CBR4: variants seen among roughly 807,000 people sequenced by gnomAD.
CBR4 encodes carbonyl reductase 4.
A neutral mutation model predicts 21.0 loss-of-function variants in CBR4; 22 were observed. The observed-to-expected ratio is 1.05, with a 90% CI of 0.75 to 1.50. The LOEUF is 1.50. CBR4 is among the 40% of genes most tolerant of loss of function. The probability of loss-of-function intolerance (pLI) is 0.00; values close to 1 mark genes in which losing one functional copy is unlikely to be tolerated. For synonymous variants in CBR4, 100 were observed against 104.4 expected (o/e 0.96, Z 0.26); for missense variants, 302 against 286.3 (o/e 1.05, Z -0.40).
At chr4:169,002,548 C>A (rs571089001) in intron 3 of CBR4, among the ~76,000 whole-genome samples, 4 of 152,272 alleles carry the variant, frequency 2.6e-5, no homozygotes, top group African/African-American at 7.2e-5. Flanking sequence ...AGGCTTCCAG[C>A]AGGTAGAGGT....
intron 2 of CBR4, chr4:168,927,984 A>G (rs879750503): frequency 1.5e-4 from 30 of 195,238 alleles, no homozygotes; most frequent in Admixed American, 9.7e-4. Flanking sequence ...AAATAATTTT[A>G]TATCTGTGTA....
chr4:168,904,451 C>T (rs1367267248), intron 2 of CBR4, among the ~76,000 whole-genome samples: 1 of 152,094 alleles, frequency 6.6e-6, no homozygotes, highest in Non-Finnish European at 1.5e-5. Context: ...GACTTAGGGT[C>T]AAAAAATCAG....
At chr4:168,946,117 T>A (rs887480231) in intron 2 of CBR4, among the ~76,000 whole-genome samples, 2 of 152,170 alleles carry the variant, frequency 1.3e-5, no homozygotes, top group African/African-American at 2.4e-5. Flanking sequence ...TAAGCTTCCT[T>A]GGCTGAGAGA....
chr4:168,952,780 T>C (rs1346419009), intron 2 of CBR4, among the ~76,000 whole-genome samples: 1 of 152,178 alleles, frequency 6.6e-6, no homozygotes, highest in Non-Finnish European at 1.5e-5. Context: ...TCTATGGGTC[T>C]CTCAGCCATG....
intron 4 of CBR4, among the ~76,000 whole-genome samples, chr4:168,994,777 G>T (rs574511808): frequency 7.6e-6 from 1 of 132,294 alleles, no homozygotes; most frequent in Non-Finnish European, 1.6e-5. Flanking sequence ...TTTTTGAGAC[G>T]GAGTTTGGCT....
intron 2 of CBR4, chr4:168,904,005 CTTTG>C: frequency 8.3e-7 from 1 of 1,204,876 alleles, no homozygotes; most frequent in Non-Finnish European, 1.2e-6. Flanking sequence ...TAAGAAGTTT[CTTTG>C]ATTTATGAAA....
At chr4:168,901,667 G>C (rs1354033965) in intron 2 of CBR4, among the ~76,000 whole-genome samples, 1 of 152,048 alleles carries the variant, frequency 6.6e-6, no homozygotes, top group Non-Finnish European at 1.5e-5. Flanking sequence ...AGAACAGCCT[G>C]GCCAATATTG....
chr4:168,995,826 G>C (rs936396241), intron 4 of CBR4, among the ~76,000 whole-genome samples: 6 of 152,162 alleles, frequency 3.9e-5, no homozygotes, highest in African/African-American at 1.4e-4. Context: ...AAGTAAGCTA[G>C]ATATGGAACA....
At chr4:168,916,491 A>AAATCT (rs1760127637) in intron 2 of CBR4, among the ~76,000 whole-genome samples, 2 of 151,412 alleles carry the variant, frequency 1.3e-5, no homozygotes, top group Non-Finnish European at 2.9e-5. Flanking sequence ...ATGATTCTTT[A>AAATCT]AATCTAAATT....
intron 2 of CBR4, among the ~76,000 whole-genome samples, chr4:168,919,125 A>T (rs1270726056): frequency 2.6e-5 from 4 of 152,212 alleles, no homozygotes; most frequent in Non-Finnish European, 5.9e-5. Context: ...CTTTCACTGG[A>T]CTGGCACATA....
intron 2 of CBR4, among the ~76,000 whole-genome samples, chr4:168,980,097 C>T (rs1275061345): frequency 2.0e-5 from 3 of 152,080 alleles, no homozygotes. Flanking sequence ...GAAAAGCCCT[C>T]TACCACTGAC....
chr4:168,988,414 A>G lies in CBR4; in HGVS notation c.*1736T>C. The G allele has an allele frequency of 1.0e-6, 1 of 985,442 alleles. No homozygotes were observed. Among genetic ancestry groups the G allele is most frequent in the Non-Finnish European group, 1.2e-6 (1 of 829,916 alleles). 61.0% of individuals were successfully genotyped at this position (985,442 alleles called of 1,614,324 possible). On this transcript the variant is annotated 3_prime_UTR_variant, in exon 5 of 5. Coordinates refer to ENST00000306193, the MANE Select transcript of CBR4 (RefSeq NM_032783.5). ...TTCTACCCAAATCACCAATTGAATC[A>G]GCCTCGCTCATGATTTCAGAGCATA...
At chr4:168,937,818 T>C (rs930843451) in intron 2 of CBR4, among the ~76,000 whole-genome samples, 1 of 152,146 alleles carries the variant, frequency 6.6e-6, no homozygotes, top group East Asian at 1.9e-4. Context: ...TAAAGCAAGT[T>C]CTTAGAGACC....
chr4:168,949,219 T>A (rs570725155), intron 2 of CBR4, among the ~76,000 whole-genome samples: 1 of 152,348 alleles, frequency 6.6e-6, no homozygotes, highest in South Asian at 2.1e-4. Context: ...TAATCTTGTA[T>A]CCAGAAACTT....
At chr4:168,926,161 C>T in intron 2 of CBR4, 1 of 1,374,084 alleles carries the variant, frequency 7.3e-7, no homozygotes, top group Non-Finnish European at 9.7e-7. Flanking sequence ...TATCTAAAGG[C>T]TTTCCAAGTA....
At position 168,959,854 on chromosome 4, in the gene CBR4, C is replaced by G. The variant is rs538324367; in HGVS notation, n.169+42217G>C. Among the ~76,000 whole-genome samples, 258 of 146,884 alleles carry G rather than the reference C, an allele frequency of 1.8e-3. 1 individual carries two copies. Among genetic ancestry groups the G allele is most frequent in the African/African-American group, 6.0e-3 (241 of 40,182 alleles). The stretch of plus-strand genomic sequence containing the variant: ...CTGGGATTACAGGCGTGAGCCACCA[C>G]GCCCAGCCTCAATTTCTATTAAAAA... On this transcript the variant is annotated intron_variant and non_coding_transcript_variant, in intron 2 of 3. Transcript: ENST00000509108.
At chr4:168,915,402 A>G (rs370038726) in intron 2 of CBR4, among the ~76,000 whole-genome samples, 5 of 152,330 alleles carry the variant, frequency 3.3e-5, no homozygotes, top group African/African-American at 1.2e-4. Flanking sequence ...AGGCATATGG[A>G]TAACTAATGC....
downstream of CBR4, among the ~76,000 whole-genome samples, chr4:168,982,643 A>T (rs892090229): frequency 3.3e-5 from 5 of 152,144 alleles, no homozygotes; most frequent in African/African-American, 1.2e-4. Context: ...CAAGGAACAT[A>T]CTCTAAAACT....
At position 169,006,862 on chromosome 4, in the gene CBR4, TCA is replaced by T; in HGVS notation, c.291_292del (p.Glu98ArgfsTer9). 6.2e-7 allele frequency: 1 copy of T among 1,612,782 alleles called. No homozygotes were observed. Among genetic ancestry groups the T allele is most frequent in the South Asian group, 1.1e-5 (1 of 91,046 alleles). ...AGTATGAAGCTGAGATACCATATCT[TCA>T]GTTTTTGTTCTTACTAAAAGACCAT... is the stretch of plus-strand genomic sequence containing the variant. On this transcript the variant is annotated frameshift_variant, in exon 3 of 5. Transcript: ENST00000306193. LOFTEE classifies it high-confidence loss of function.
Sources: allele counts gnomAD v4.1 joint callset (sites outside exome capture counted in the v4.1 genomes callset), GRCh38; gene constraint gnomAD v4.1.1; transcripts MANE v1.5; gene names NCBI Gene and HGNC (gene_info 2026-07-23, HGNC 2026-07-21).